The following BBS9 variants were observed in gnomAD, a reference collection of about 807,000 sequenced individuals.
The protein encoded by BBS9 is protein PTHB1.
In BBS9, 89 loss-of-function variants were observed where a neutral mutation model predicts 117.7. The ratio of observed to expected loss-of-function variants is 0.76; its 90% CI spans 0.64 to 0.90. BBS9 has a LOEUF of 0.90. Among genes scored for constraint, BBS9 ranks in the 40% least tolerant of loss-of-function variants. The pLI is 0.00. For missense variants in BBS9, 982 were observed against 1,042.2 expected, an observed-to-expected ratio of 0.94 and a Z score of 0.80; for synonymous variants, 379 against 370.9, an observed-to-expected ratio of 1.02 and a Z score of -0.25.
At chr7:33,326,230 C>A (rs1812806996) in intron 9 of BBS9, among the ~76,000 whole-genome samples, 2 of 151,588 alleles carry the variant, frequency 1.3e-5, no homozygotes, top group African/African-American at 4.9e-5. Flanking sequence ...CTTTTCCCTC[C>A]CCTCCCCTCC....
intron 9 of BBS9, among the ~76,000 whole-genome samples, chr7:33,304,659 A>C (rs1312008805): frequency 1.3e-5 from 2 of 152,202 alleles, no homozygotes; most frequent in Non-Finnish European, 2.9e-5. Context: ...ACCATCGAGA[A>C]TGGGCCATGA....
At chr7:33,310,880 G>T (rs550698983) in intron 9 of BBS9, among the ~76,000 whole-genome samples, 2 of 152,282 alleles carry the variant, frequency 1.3e-5, no homozygotes, top group African/African-American at 4.8e-5. Context: ...AGATTCTGGG[G>T]ATATATTCAT....
intron 21 of BBS9, among the ~76,000 whole-genome samples, chr7:33,581,819 T>A (rs117037372): frequency 0.015 from 2,298 of 152,278 alleles, 26 homozygotes; most frequent in Middle Eastern, 0.051. Context: ...TTCAGTTTGT[T>A]TTTCACGCAC....
At chr7:33,322,646 C>A (rs1038404006) in intron 9 of BBS9, among the ~76,000 whole-genome samples, 1 of 151,600 alleles carries the variant, frequency 6.6e-6, no homozygotes, top group Non-Finnish European at 1.5e-5. Flanking sequence ...CTTAGTCTGG[C>A]GAAAGGTTTG....
Position 33,508,788 on chromosome 7 carries a change from C to G in BBS9, c.2298+3143C>G, listed in dbSNP as rs544654534. 2.0e-5 allele frequency among the ~76,000 whole-genome samples: 3 copies of G among 152,322 alleles called. No individual in the cohort carries two copies. In the South Asian group the frequency reaches 6.2e-4, roughly 32 times the overall value. ...AATGCTCATGAAGCTGGCCCTGAAG[C>G]ATGGTTAGACTCAAAGGAAGACTTT... On this transcript the variant is annotated intron_variant, in intron 20 of 22. Transcript: ENST00000242067.
intron 20 of BBS9, chr7:33,533,752 G>A (rs1159043846): frequency 6.6e-6 from 4 of 610,676 alleles, no homozygotes; most frequent in Non-Finnish European, 1.2e-5. Flanking sequence ...GAGGCTAAGA[G>A]GAATTAAGTA....
rs1448729630 is a variant in BBS9, at chr7:33,423,177, A to T, written c.2115+35033A>T. 2.6e-5 allele frequency among the ~76,000 whole-genome samples: 4 copies of T among 152,284 alleles called. No individual in the cohort carries two copies. In the East Asian group the frequency reaches 7.7e-4, roughly 29 times the overall value. On this transcript the variant is annotated intron_variant, in intron 19 of 22. Coordinates refer to ENST00000242067, the MANE Select transcript of BBS9 (RefSeq NM_198428.3). ...AAGCTACCTGCTGAGGGGCTGAGAC[A>T]TTAACAGGCCTGGCTACGTGATAAG... is the stretch of plus-strand genomic sequence containing the variant.
At chr7:33,502,202 C>A (rs964200957) in intron 19 of BBS9, among the ~76,000 whole-genome samples, 1 of 152,184 alleles carries the variant, frequency 6.6e-6, no homozygotes, top group Non-Finnish European at 1.5e-5. Flanking sequence ...GTCACACGCC[C>A]AGCCTTCAAT....
intron 5 of BBS9, among the ~76,000 whole-genome samples, chr7:33,193,269 C>T (rs575156505): frequency 7.2e-5 from 11 of 152,204 alleles, no homozygotes; most frequent in Admixed American, 7.2e-4. Flanking sequence ...CCTCCCATAT[C>T]ACTTTGTCAC....
intron 19 of BBS9, among the ~76,000 whole-genome samples, chr7:33,390,876 G>A (rs1826951899): frequency 6.6e-6 from 1 of 152,076 alleles, no homozygotes; most frequent in Non-Finnish European, 1.5e-5. Context: ...AGTATCATAT[G>A]ATATGTATTA....
chr7:33,492,554 G>C (rs896185379), intron 19 of BBS9, among the ~76,000 whole-genome samples: 5 of 152,158 alleles, frequency 3.3e-5, no homozygotes, highest in Non-Finnish European at 7.4e-5. Flanking sequence ...AAACTCAAAT[G>C]ACTAGAGGGC....
At chr7:33,407,078 A>G (rs1465266727) in intron 19 of BBS9, among the ~76,000 whole-genome samples, 3 of 152,098 alleles carry the variant, frequency 2.0e-5, no homozygotes, top group Non-Finnish European at 2.9e-5. Context: ...CACCAATCAG[A>G]CGTAGATTTG....
chr7:33,446,839 G>A (rs1331665636), intron 19 of BBS9, among the ~76,000 whole-genome samples: 1 of 152,100 alleles, frequency 6.6e-6, no homozygotes. Flanking sequence ...TTCTGATGTT[G>A]AGCACTTCAG....
chr7:33,224,297 G>T (rs1293434469), intron 5 of BBS9, among the ~76,000 whole-genome samples: 1 of 152,132 alleles, frequency 6.6e-6, no homozygotes, highest in African/African-American at 2.4e-5. Flanking sequence ...AGTTACTTGG[G>T]TTTACACAGC....
At chr7:33,553,022 A>G (rs1012009421) in intron 21 of BBS9, among the ~76,000 whole-genome samples, 2 of 152,072 alleles carry the variant, frequency 1.3e-5, no homozygotes, top group African/African-American at 2.4e-5. Flanking sequence ...GGTTTTGCAT[A>G]TGCTGTTCAC....
At chr7:33,140,884 A>G (rs2128078876) in intron 1 of BBS9, among the ~76,000 whole-genome samples, 1 of 152,110 alleles carries the variant, frequency 6.6e-6, no homozygotes, top group African/African-American at 2.4e-5. Context: ...ACTTCCATCA[A>G]CTCCCAGTGT....
intron 19 of BBS9, among the ~76,000 whole-genome samples, chr7:33,504,209 T>C (rs192890629): frequency 6.6e-6 from 1 of 152,342 alleles, no homozygotes; most frequent in Admixed American, 6.5e-5. Context: ...CATGCCTCCC[T>C]GTAGAGCTAA....
intron 11 of BBS9, among the ~76,000 whole-genome samples, chr7:33,343,821 G>A (rs888494051): frequency 6.6e-6 from 1 of 151,796 alleles, no homozygotes; most frequent in Admixed American, 6.6e-5. Context: ...ATGGGTGTAA[G>A]GCCACTCAAT....
At chr7:33,613,124 T>C (rs1864960946) in intron 21 of BBS9, among the ~76,000 whole-genome samples, 1 of 152,004 alleles carries the variant, frequency 6.6e-6, no homozygotes, top group Admixed American at 6.6e-5. Flanking sequence ...TGACAAAAAC[T>C]CAACTTTAGA....
Sources: gnomAD v4.1 joint callset for allele counts (sites outside exome capture counted in the v4.1 genomes callset) on GRCh38, gnomAD v4.1.1 for gene constraint, MANE v1.5 for transcripts, NCBI Gene and HGNC (gene_info 2026-07-23, HGNC 2026-07-21) for gene names.